CDH10: variants seen among roughly 807,000 people sequenced by gnomAD.
The protein encoded by CDH10 is cadherin-10.
In CDH10, 30 loss-of-function variants were observed where a neutral mutation model predicts 73.1. The observed-to-expected ratio is 0.41, with a 90% CI of 0.31 to 0.56. The LOEUF (loss-of-function observed/expected upper bound fraction) is 0.56, where lower values mean the gene tolerates loss of function less well. Ranked by LOEUF, CDH10 falls within the 20% of genes least tolerant of loss-of-function variation. CDH10 has a pLI of 0.27. For missense variants in CDH10, 815 were observed against 973.7 expected (o/e 0.84, Z 2.17); for synonymous variants, 345 against 348.2 (o/e 0.99, Z 0.10).
chr5:24,512,401 G>A (rs1047733277), intron 5 of CDH10, among the ~76,000 whole-genome samples: 1 of 152,098 alleles, frequency 6.6e-6, no homozygotes, highest in African/African-American at 2.4e-5. Flanking sequence ...TACACTGAAT[G>A]TTTCTATGTA....
At chr5:24,543,300 T>C (rs982215754) in intron 2 of CDH10, among the ~76,000 whole-genome samples, 3 of 152,096 alleles carry the variant, frequency 2.0e-5, no homozygotes, top group Non-Finnish European at 4.4e-5. Context: ...ACTGGAAAAG[T>C]AGAGATAATT....
chr5:24,580,782 G>T (rs570865994), intron 2 of CDH10, among the ~76,000 whole-genome samples: 1 of 152,232 alleles, frequency 6.6e-6, no homozygotes, highest in African/African-American at 2.4e-5. Flanking sequence ...AGATGATAGG[G>T]TTGCATTCCT....
Position 24,499,532 on chromosome 5 carries a change from C to CA in CDH10, c.1394-1014dup, listed in dbSNP as rs969954060. 3.0e-4 allele frequency: 45 copies of CA among 152,030 alleles called. 1 individual carries two copies. Among genetic ancestry groups the CA allele is most frequent in the African/African-American group, 1.0e-3 (42 of 41,452 alleles). 9.4% of individuals were successfully genotyped at this position (152,030 alleles called of 1,614,324 possible). A position where few individuals can be genotyped will look rare whatever the true frequency, so the allele number is the denominator to read the frequency against. On this transcript the variant is annotated intron_variant, in intron 8 of 11. Coordinates refer to ENST00000264463, the MANE Select transcript of CDH10 (RefSeq NM_006727.5). ...GAAACCCTATCTCTATTAAAAAATA[C>CA]AAAAAATAGCCAGGTGTTGTGGCAA...
chr5:24,642,800 G>A (rs965057185), intron 1 of CDH10, among the ~76,000 whole-genome samples: 2 of 151,742 alleles, frequency 1.3e-5, no homozygotes, highest in Non-Finnish European at 2.9e-5. Flanking sequence ...TTTTGGTTTT[G>A]TTTGTTGTTT....
chr5:24,636,072 A>G (rs919674219), intron 1 of CDH10, among the ~76,000 whole-genome samples: 18 of 151,986 alleles, frequency 1.2e-4, no homozygotes, highest in Non-Finnish European at 1.2e-4. Context: ...CATTAAGCAT[A>G]GGTCACATGA....
In CDH10 at chr5:24,630,780, T is replaced by TGAAGAA. The variant is rs565397396; in HGVS notation, c.-124+13808_-124+13813dup. 4.0e-3 allele frequency among the ~76,000 whole-genome samples: 610 copies of TGAAGAA among 151,998 alleles called. 5 individuals are homozygous for TGAAGAA. Among genetic ancestry groups the TGAAGAA allele is most frequent in the African/African-American group, 0.013 (533 of 41,468 alleles). On this transcript the variant is annotated intron_variant, in intron 1 of 11. Transcript: ENST00000264463. ...TACAAGAGAGGCAGAGAAGCTACAA[T>TGAAGAA]GAAGAAAGTATTAGAACAGATTAAA...
intron 5 of CDH10, among the ~76,000 whole-genome samples, chr5:24,518,884 C>CTTTTT (rs36019861): frequency 2.7e-4 from 21 of 77,440 alleles, no homozygotes; most frequent in African/African-American, 4.0e-4. Flanking sequence ...GACATGTGCA[C>CTTTTT]TTTTTTTTTT....
intron 8 of CDH10, among the ~76,000 whole-genome samples, chr5:24,504,043 G>A (rs1269235143): frequency 6.6e-6 from 1 of 151,918 alleles, no homozygotes; most frequent in Non-Finnish European, 1.5e-5. Context: ...TATAATTCAA[G>A]CTCATTTTTA....
chr5:24,550,173 T>C (rs183556285), intron 2 of CDH10, among the ~76,000 whole-genome samples: 80 of 152,220 alleles, frequency 5.3e-4, no homozygotes, highest in African/African-American at 1.8e-3. Flanking sequence ...AAATAATACA[T>C]AGAAGAAAAG....
chr5:24,585,888 T>C (rs1047251257), intron 2 of CDH10, among the ~76,000 whole-genome samples: 1 of 152,228 alleles, frequency 6.6e-6, no homozygotes, highest in Non-Finnish European at 1.5e-5. Context: ...GTCCCTCCGC[T>C]CTGCTAGACT....
At chr5:24,573,693 T>C (rs954633327) in intron 2 of CDH10, among the ~76,000 whole-genome samples, 1 of 131,510 alleles carries the variant, frequency 7.6e-6, no homozygotes, top group African/African-American at 2.9e-5. Context: ...AGAGCGAGAC[T>C]CCATCTCAAA....
intron 2 of CDH10, among the ~76,000 whole-genome samples, chr5:24,561,566 A>G (rs533180660): frequency 2.0e-5 from 3 of 152,232 alleles, no homozygotes; most frequent in East Asian, 3.9e-4. Flanking sequence ...TAGTAATTCT[A>G]CAAGGCATAT....
chr5:24,504,608 C>T (rs1226974971), intron 8 of CDH10, among the ~76,000 whole-genome samples: 1 of 145,158 alleles, frequency 6.9e-6, no homozygotes, highest in Non-Finnish European at 1.5e-5. Context: ...TCACTGCAAC[C>T]TCTGCCTCCC....
chr5:24,625,569 A>ATATGTG lies in CDH10; in HGVS notation c.-124+19024_-124+19025insCACATA, dbSNP rs1452365276. Among the ~76,000 whole-genome samples the ATATGTG allele has an allele frequency of 9.9e-5, 2 of 20,218 alleles. 1 individual carries two copies. The highest frequency in any genetic ancestry group is 1.3e-4 in the African/African-American group (2 of 15,664). 13.3% of individuals were successfully genotyped at this position (20,218 alleles called of 152,430 possible). A position where few individuals can be genotyped will look rare whatever the true frequency, so the allele number is the denominator to read the frequency against. On this transcript the variant is annotated intron_variant, in intron 1 of 11. Coordinates refer to ENST00000264463, the MANE Select transcript of CDH10 (RefSeq NM_006727.5). ...TCTGTATATATATATATATTCATATATATACATATATTCATATATATGAAT... is the reference window on the plus strand; with the variant it reads ...TCTGTATATATATATATATTCATATATATGTGTATACATATATTCATATATATGAAT...
chr5:24,640,800 C>A (rs537770028), intron 1 of CDH10, among the ~76,000 whole-genome samples: 74 of 151,822 alleles, frequency 4.9e-4, no homozygotes, highest in Middle Eastern at 3.4e-3. Flanking sequence ...TAACCAATGT[C>A]TCTTAAAGTG....
chr5:24,563,936 T>C (rs776913489), intron 2 of CDH10, among the ~76,000 whole-genome samples: 3 of 152,216 alleles, frequency 2.0e-5, no homozygotes, highest in Non-Finnish European at 4.4e-5. Context: ...TATTTTTATG[T>C]TCAAATCATA....
intron 3 of CDH10, among the ~76,000 whole-genome samples, chr5:24,536,732 T>C (rs987221079): frequency 8.5e-5 from 13 of 152,050 alleles, no homozygotes; most frequent in African/African-American, 3.1e-4. Flanking sequence ...TTCTACCTTT[T>C]TTCATGCCTT....
At chr5:24,520,893 A>T (rs376358837) in intron 5 of CDH10, among the ~76,000 whole-genome samples, 3 of 149,780 alleles carry the variant, frequency 2.0e-5, no homozygotes, top group East Asian at 2.0e-4. Context: ...CACCCGGCAA[A>T]TTTTTTTTTT....
At chr5:24,505,994 GT>G in intron 7 of CDH10, among the ~76,000 whole-genome samples, 1 of 151,880 alleles carries the variant, frequency 6.6e-6, no homozygotes, top group Non-Finnish European at 1.5e-5. Flanking sequence ...CGTGCCTGTA[GT>G]CCCAGCTACT....
Sources: allele counts gnomAD v4.1 joint callset (sites outside exome capture counted in the v4.1 genomes callset), GRCh38; gene constraint gnomAD v4.1.1; transcripts MANE v1.5; gene names NCBI Gene and HGNC (gene_info 2026-07-23, HGNC 2026-07-21).